Variants in RECK observed in about 807,000 individuals in gnomAD.
RECK encodes reversion-inducing cysteine-rich protein with Kazal motifs.
In RECK, 69 loss-of-function variants were observed where a neutral mutation model predicts 115.1. That is an observed-to-expected ratio of 0.60 (90% confidence interval 0.49 to 0.73). The LOEUF (loss-of-function observed/expected upper bound fraction) is 0.73, where lower values mean the gene tolerates loss of function less well. Ranked by LOEUF, RECK falls within the 30% of genes least tolerant of loss-of-function variation. The pLI is 0.00. For missense variants in RECK, 1,047 were observed against 1,203.7 expected (o/e 0.87, Z 1.93); for synonymous variants, 414 against 419.7 (o/e 0.99, Z 0.17).
chr9:36,074,962 C>A (rs541377982), intron 6 of RECK, among the ~76,000 whole-genome samples: 5 of 152,240 alleles, frequency 3.3e-5, no homozygotes, highest in African/African-American at 4.8e-5. Flanking sequence ...AATCAGATGG[C>A]AGGTCAGCCT....
intron 13 of RECK, 26 bp downstream of exon 13, chr9:36,105,309 A>G (rs769326213): frequency 1.9e-6 from 3 of 1,612,072 alleles, no homozygotes; most frequent in Non-Finnish European, 2.5e-6. Flanking sequence ...GTGTGAGAAG[A>G]GGATGGATAG....
intron 6 of RECK, among the ~76,000 whole-genome samples, chr9:36,074,980 C>T (rs1822392184): frequency 6.6e-6 from 1 of 152,222 alleles, no homozygotes; most frequent in Non-Finnish European, 1.5e-5. Context: ...CCTGGGGCTG[C>T]CTGCTTTAGG....
rs747780148 is a variant in RECK, at chr9:36,112,319, T to C, written c.1903T>C (p.Cys635Arg). The change falls in exon 16 of 21, where the codon TGT (cysteine) becomes CGT (arginine). Residue 635 changes from cysteine to arginine, a missense_variant. By Grantham distance (180) the Cys-to-Arg change is radical (BLOSUM62 -3). Transcript: ENST00000377966. ...RRTFTGLPCNCADQFVPVCGQ... is the reference protein window; with the variant it reads ...RRTFTGLPCNRADQFVPVCGQ... The stretch of plus-strand genomic sequence containing the variant: ...CCTCTCCTCAGGTCTGCCCTGTAAC[T>C]GTGCAGATCAGTTTGTCCCTGTATG... The C allele has an allele frequency of 1.2e-6, 2 of 1,613,138 alleles. No individual in the cohort carries two copies. Among genetic ancestry groups the C allele is most frequent in the East Asian group, 2.2e-5 (1 of 44,896 alleles).
chr9:36,055,582 A>G (rs949282349), intron 2 of RECK, among the ~76,000 whole-genome samples: 1 of 152,210 alleles, frequency 6.6e-6, no homozygotes, highest in Non-Finnish European at 1.5e-5. Flanking sequence ...TGAAATATAG[A>G]AGACTTAAAT....
intron 12 of RECK, among the ~76,000 whole-genome samples, chr9:36,103,399 C>G (rs1178755816): frequency 6.6e-6 from 1 of 152,204 alleles, no homozygotes; most frequent in Non-Finnish European, 1.5e-5. Context: ...CTTCAGTCAT[C>G]AAGATTACTT....
intron 10 of RECK, among the ~76,000 whole-genome samples, chr9:36,091,799 G>A (rs1489385968): frequency 2.6e-5 from 4 of 152,160 alleles, no homozygotes; most frequent in Non-Finnish European, 5.9e-5. Context: ...AGGGTATCAA[G>A]TATCATTAGA....
chr9:36,112,237 TAAC>T (rs1279982964), intron 15 of RECK, 65 bp from the exon 16 acceptor site: 2 of 1,513,268 alleles, frequency 1.3e-6, no homozygotes, highest in African/African-American at 2.7e-5. Flanking sequence ...TGGTTTGCCT[TAAC>T]AAGGAAATAT....
At chr9:36,052,847 A>G (rs1821361422) in intron 2 of RECK, among the ~76,000 whole-genome samples, 1 of 152,212 alleles carries the variant, frequency 6.6e-6, no homozygotes, top group African/African-American at 2.4e-5. Flanking sequence ...CTGGAATGAA[A>G]GAAAATTGCT....
At chr9:36,102,976 A>C (rs941137189) in intron 12 of RECK, among the ~76,000 whole-genome samples, 4 of 151,538 alleles carry the variant, frequency 2.6e-5, no homozygotes, top group African/African-American at 4.9e-5. Flanking sequence ...AAAAAATTAT[A>C]GTCTAGCTTA....
chr9:36,090,766 G>C (rs74370459), intron 9 of RECK, among the ~76,000 whole-genome samples: 2 of 152,146 alleles, frequency 1.3e-5, no homozygotes, highest in Non-Finnish European at 2.9e-5. Flanking sequence ...TAGTTTTACC[G>C]TCTGTGACTG....
At chr9:36,071,314 T>C (rs1200803485) in intron 6 of RECK, among the ~76,000 whole-genome samples, 1 of 152,224 alleles carries the variant, frequency 6.6e-6, no homozygotes, top group Non-Finnish European at 1.5e-5. Context: ...ATAAGCTTCA[T>C]TAAGGTAATA....
At chr9:36,074,412 A>G (rs1476937569) in intron 6 of RECK, among the ~76,000 whole-genome samples, 2 of 152,224 alleles carry the variant, frequency 1.3e-5, no homozygotes, top group Non-Finnish European at 2.9e-5. Context: ...TTAGTCTGCA[A>G]GAAGCTCATA....
chr9:36,059,620 A>G (rs548019406), intron 3 of RECK, among the ~76,000 whole-genome samples: 6 of 152,302 alleles, frequency 3.9e-5, no homozygotes, highest in Non-Finnish European at 8.8e-5. Context: ...TTTCTGACAT[A>G]CTGTAGATAT....
At chr9:36,098,988 G>C (rs1823462056) in intron 10 of RECK, among the ~76,000 whole-genome samples, 1 of 152,176 alleles carries the variant, frequency 6.6e-6, no homozygotes, top group Non-Finnish European at 1.5e-5. Flanking sequence ...CACTTTGAGA[G>C]GCCAAGGTGA....
chr9:36,099,883 G>T (rs12346749), intron 10 of RECK, among the ~76,000 whole-genome samples: 13,988 of 152,192 alleles, frequency 0.092, 766 homozygotes, highest in East Asian at 0.28. Context: ...GTGGCACAAG[G>T]GAACTGGCTG....
intron 10 of RECK, among the ~76,000 whole-genome samples, chr9:36,098,608 C>G (rs1823451308): frequency 6.6e-6 from 1 of 152,098 alleles, no homozygotes; most frequent in Non-Finnish European, 1.5e-5. Context: ...TATCCTGAAG[C>G]ATTTACCCAA....
intron 7 of RECK, among the ~76,000 whole-genome samples, chr9:36,082,149 G>GCTTTCTCTCTCTCT (rs1238513047): frequency 6.5e-4 from 42 of 64,130 alleles, no homozygotes; most frequent in African/African-American, 1.9e-3. Context: ...TTTCCTCCCT[G>GCTTTCTCTCTCTCT]CTTTCTCTCT....
chr9:36,049,746 C>T (rs757147827), intron 1 of RECK, among the ~76,000 whole-genome samples: 1 of 152,188 alleles, frequency 6.6e-6, no homozygotes. Flanking sequence ...ATACAGTGTT[C>T]TACAACTGCT....
rs912393222 is a variant in RECK at position 36,052,160 on chromosome 9, AATAATC to A, written c.101-102_101-97del. ...TTGTTGAGTTAAAATTAATAATAAT[AATAATC>A]ATCATCTACTGAATAAATGGTTTGT... is the stretch of plus-strand genomic sequence containing the variant. On this transcript the variant is annotated intron_variant, in intron 1 of 20. Coordinates refer to ENST00000377966, the MANE Select transcript of RECK (RefSeq NM_021111.3). 3 of 686,426 alleles carry A rather than the reference AATAATC, an allele frequency of 4.4e-6. No individual in the cohort carries two copies. In the African/African-American group the frequency reaches 5.3e-5, roughly 12 times the overall value. The allele number at this position is 686,426 out of a possible 1,614,324, so 42.5% of individuals were successfully genotyped here. A position where few individuals can be genotyped will look rare whatever the true frequency, so the allele number is the denominator to read the frequency against.
Sources: gnomAD v4.1 joint callset for allele counts (sites outside exome capture counted in the v4.1 genomes callset) on GRCh38, gnomAD v4.1.1 for gene constraint, MANE v1.5 for transcripts, NCBI Gene and HGNC (gene_info 2026-07-23, HGNC 2026-07-21) for gene names.